The following ACTR10 variants were observed in gnomAD, a reference collection of about 807,000 sequenced individuals.
The protein encoded by ACTR10 is actin-related protein 10.
Under a neutral mutation model 56.2 loss-of-function variants are expected in ACTR10, and 43 were observed. The ratio of observed to expected loss-of-function variants is 0.77; its 90% CI spans 0.60 to 0.99. ACTR10 has a LOEUF of 0.99. ACTR10 is among the 50% of genes least tolerant of loss of function. The pLI is 0.00. For missense variants in ACTR10, 466 were observed against 507.8 expected, an observed-to-expected ratio of 0.92 and a Z score of 0.79; for synonymous variants, 170 against 176.3, an observed-to-expected ratio of 0.96 and a Z score of 0.28.
chr14:58,230,252 T>C, intron 10 of ACTR10, 147 bp from the exon 11 acceptor site: 1 of 454,622 alleles, frequency 2.2e-6, no homozygotes, highest in East Asian at 3.7e-5. Context: ...CATTTACAAA[T>C]GAGAACACCT....
chr14:58,210,765 C>T (rs1888973279), intron 4 of ACTR10, among the ~76,000 whole-genome samples: 1 of 151,132 alleles, frequency 6.6e-6, no homozygotes, highest in Admixed American at 6.6e-5. Context: ...ACCTCCGCCT[C>T]CTGGGTTCAA....
At chr14:58,208,677 C>A (rs1195688581) in intron 3 of ACTR10, among the ~76,000 whole-genome samples, 1 of 151,384 alleles carries the variant, frequency 6.6e-6, no homozygotes, top group African/African-American at 2.4e-5. Flanking sequence ...TGAGATTGCC[C>A]CTCTGCACTC....
chr14:58,233,977 A>T (rs762512514), intron 12 of ACTR10, among the ~76,000 whole-genome samples: 2 of 152,168 alleles, frequency 1.3e-5, no homozygotes, highest in Non-Finnish European at 2.9e-5. Context: ...GATGATGTTT[A>T]TTGGGTTTTG....
At chr14:58,213,596 CT>C in intron 5 of ACTR10, 34 bp from the exon 6 acceptor site, 2 of 1,442,092 alleles carry the variant, frequency 1.4e-6, no homozygotes, top group Non-Finnish European at 1.9e-6. Flanking sequence ...CACATTTTAT[CT>C]CCTAAAATAG....
At chr14:58,220,461 T>A (rs1363727519) in intron 8 of ACTR10, among the ~76,000 whole-genome samples, 1 of 152,250 alleles carries the variant, frequency 6.6e-6, no homozygotes, top group African/African-American at 2.4e-5. Flanking sequence ...TTTTATGTGT[T>A]TTAATTACCT....
At chr14:58,212,600 C>T (rs1333174932) in intron 5 of ACTR10, among the ~76,000 whole-genome samples, 1 of 152,092 alleles carries the variant, frequency 6.6e-6, no homozygotes, top group Admixed American at 6.6e-5. Context: ...TTAAAACAAC[C>T]ATGCAACATG....
intron 3 of ACTR10, 112 bp downstream of exon 3, chr14:58,208,130 T>C (rs1401905367): frequency 1.1e-5 from 10 of 951,958 alleles, no homozygotes; most frequent in Non-Finnish European, 1.5e-5. Flanking sequence ...TGGACTTCTA[T>C]TGCCATTTTT....
chr14:58,231,024 TG>T, intron 11 of ACTR10: 1 of 306,562 alleles, frequency 3.3e-6, no homozygotes, highest in Non-Finnish European at 6.9e-6. Context: ...CCCAAAGTGC[TG>T]GGATTACAAG....
intron 10 of ACTR10, among the ~76,000 whole-genome samples, chr14:58,229,836 T>A (rs549316119): frequency 2.5e-4 from 38 of 151,912 alleles, no homozygotes; most frequent in African/African-American, 8.7e-4. Flanking sequence ...ATATAATTTT[T>A]AAAAAAATAT....
Position 58,235,139 on chromosome 14 carries a change from GAAC to G in ACTR10, c.*590_*592del, listed in dbSNP as rs1889650108. The G allele has an allele frequency of 6.6e-6, 1 of 152,094 alleles. No homozygotes were observed. The allele number at this position is 152,094 out of a possible 1,614,324, so 9.4% of individuals were successfully genotyped here. Reference sequence around the variant, plus strand: ...GCCTATGTTGCTTGTCTTTCAAAAAGAACAGTATTTCTCCACAGTTCACATAAC... The same window carrying G: ...GCCTATGTTGCTTGTCTTTCAAAAAGAGTATTTCTCCACAGTTCACATAAC... On this transcript the variant is annotated 3_prime_UTR_variant, in exon 13 of 13. Coordinates refer to ENST00000254286, the MANE Select transcript of ACTR10 (RefSeq NM_018477.3).
intron 10 of ACTR10, among the ~76,000 whole-genome samples, chr14:58,225,902 G>T (rs990155934): frequency 9.2e-5 from 14 of 151,938 alleles, no homozygotes; most frequent in Non-Finnish European, 5.9e-5. Flanking sequence ...TAGTAGAGAT[G>T]GGTTTCACCA....
intron 10 of ACTR10, among the ~76,000 whole-genome samples, chr14:58,229,724 T>A: frequency 6.6e-6 from 1 of 151,580 alleles, no homozygotes; most frequent in African/African-American, 2.4e-5. Flanking sequence ...TTACTACTTA[T>A]GGAAGGTGAT....
chr14:58,223,376 G>A, intron 8 of ACTR10: 1 of 405,280 alleles, frequency 2.5e-6, no homozygotes, highest in South Asian at 3.0e-5. Flanking sequence ...GACCTCAGGT[G>A]ATCCGCCTGC....
At position 58,232,096 on chromosome 14, in the gene ACTR10, G is replaced by A. The variant is rs1470918568; in HGVS notation, c.901G>A (p.Glu301Lys). 6.2e-7 allele frequency: 1 copy of A among 1,613,736 alleles called. No homozygotes were observed. The highest frequency in any genetic ancestry group is 8.5e-7 in the Non-Finnish European group (1 of 1,179,814). Residue 301 changes from glutamate to lysine, a missense_variant, in exon 12 of 13, where the codon GAG (glutamate) becomes AAG (lysine). By Grantham distance (56) the Glu-to-Lys change is moderately conservative. Transcript: ENST00000254286. ...CPIDTRKQLA[E>K]NLVVIGGTSM... ...GATAGACACCAGGAAGCAACTAGCAGAGAATTTGGTAGTCATAGGTGGCAC... is the reference window on the plus strand; with the variant it reads ...GATAGACACCAGGAAGCAACTAGCAAAGAATTTGGTAGTCATAGGTGGCAC...
intron 10 of ACTR10, among the ~76,000 whole-genome samples, chr14:58,226,358 C>T (rs1889400662): frequency 6.6e-6 from 1 of 151,354 alleles, no homozygotes; most frequent in Non-Finnish European, 1.5e-5. Flanking sequence ...AATCCTCCCA[C>T]CTTGCCCTCC....
intron 7 of ACTR10, among the ~76,000 whole-genome samples, chr14:58,217,395 C>T (rs1889156749): frequency 1.3e-5 from 2 of 152,010 alleles, no homozygotes; most frequent in Admixed American, 6.6e-5. Context: ...CGGCTGGGCA[C>T]GGTGGCTCAC....
chr14:58,232,374 C>A, intron 12 of ACTR10, 107 bp downstream of exon 12: 15 of 419,710 alleles, frequency 3.6e-5, no homozygotes, highest in Middle Eastern at 8.4e-4. Flanking sequence ...GAATTGCCCA[C>A]TTTATAAATA....
In ACTR10 at chr14:58,232,177, G is replaced by A. The variant is rs1668018661; in HGVS notation, c.982G>A (p.Glu328Lys). 1 of 1,613,558 alleles carries A rather than the reference G, an allele frequency of 6.2e-7. No individual in the cohort carries two copies. The highest frequency in any genetic ancestry group is 1.7e-5 in the Admixed American group (1 of 59,930). ...RLLAEIRYLV[E>K]KPKYKKALGT... The stretch of plus-strand genomic sequence containing the variant: ...GCTTGCAGAAATAAGGTATTTGGTA[G>A]AAAAACCAAAATATAAAAAAGCACT... The change falls in exon 12 of 13, where the codon GAA (glutamate) becomes AAA (lysine). Residue 328 changes from glutamate to lysine, a missense_variant. Coordinates refer to ENST00000254286, the MANE Select transcript of ACTR10 (RefSeq NM_018477.3).
chr14:58,215,232 A>G lies in ACTR10; in HGVS notation c.546A>G (p.Gln182=), dbSNP rs766001973. ...HKELETQLLE[Q]CTVDTSVAKE... is the part of the protein sequence containing the mutation. ...AGTTGGAAACTCAACTATTGGAACA[A>G]TGTACTGTTGACACAAGTGTTGCTA... Residue 182 remains glutamine, a synonymous_variant, in exon 7 of 13, where the codon CAA becomes CAG. Coordinates refer to ENST00000254286, the MANE Select transcript of ACTR10 (RefSeq NM_018477.3). 19 of 1,608,232 alleles carry G rather than the reference A, an allele frequency of 1.2e-5. No individual in the cohort carries two copies. Among genetic ancestry groups the G allele is most frequent in the East Asian group, 2.2e-5 (1 of 44,726 alleles).
Sources: gnomAD v4.1 joint callset for allele counts (sites outside exome capture counted in the v4.1 genomes callset) on GRCh38, gnomAD v4.1.1 for gene constraint, MANE v1.5 for transcripts, NCBI Gene and HGNC (gene_info 2026-07-23, HGNC 2026-07-21) for gene names.